DSCAML1: variants seen among roughly 807,000 people sequenced by gnomAD.
DSCAML1 encodes the protein DS cell adhesion molecule like 1.
A neutral mutation model predicts 200.5 loss-of-function variants in DSCAML1; 38 were observed. The ratio of observed to expected loss-of-function variants is 0.19; its 90% CI spans 0.15 to 0.25. The LOEUF (loss-of-function observed/expected upper bound fraction) is 0.25, where lower values mean the gene tolerates loss of function less well. Ranked by LOEUF, DSCAML1 falls within the 10% of genes least tolerant of loss-of-function variation. The pLI, the probability that DSCAML1 is intolerant of heterozygous loss-of-function variation, is 1.00. For synonymous variants in DSCAML1, 1,215 were observed against 1,165.0 expected (o/e 1.04, Z -0.87); for missense variants, 2,223 against 2,858.8 (o/e 0.78, Z 5.07).
At chr11:117,486,365 G>A (rs577633904) in intron 11 of DSCAML1, among the ~76,000 whole-genome samples, 15 of 149,028 alleles carry the variant, frequency 1.0e-4, no homozygotes, top group African/African-American at 3.6e-4. Context: ...GGATGTGAAA[G>A]TGGCTGATGT....
chr11:117,678,340 T>C (rs2053254326), intron 3 of DSCAML1, among the ~76,000 whole-genome samples: 1 of 152,186 alleles, frequency 6.6e-6, no homozygotes, highest in Non-Finnish European at 1.5e-5. Flanking sequence ...GCAGTTTTGA[T>C]TTAGATTTGT....
At chr11:117,587,205 G>A (rs375965294) in intron 3 of DSCAML1, among the ~76,000 whole-genome samples, 23 of 151,598 alleles carry the variant, frequency 1.5e-4, no homozygotes, top group African/African-American at 4.4e-4. Flanking sequence ...GCTGATACAT[G>A]GACAACGAAC....
rs555767646 is a variant in DSCAML1 at position 117,558,767 on chromosome 11, G to A, written c.512-26245C>T. 8.5e-5 allele frequency among the ~76,000 whole-genome samples: 13 copies of A among 152,336 alleles called. No individual in the cohort carries two copies. The South Asian group carries it at 1.9e-3, about 22-fold the overall frequency. On this transcript the variant is annotated intron_variant, in intron 3 of 32. Coordinates refer to ENST00000651296, the MANE Select transcript of DSCAML1 (RefSeq NM_020693.4). ...GGGCTTACAACTCTAAGGGGTCCACGTGAAAGGGTCATAATAGATCAAGTA... is the reference window on the plus strand; with the variant it reads ...GGGCTTACAACTCTAAGGGGTCCACATGAAAGGGTCATAATAGATCAAGTA...
chr11:117,786,679 T>C lies in DSCAML1; in HGVS notation c.47-5869A>G, dbSNP rs542645128. Among the ~76,000 whole-genome samples the C allele has an allele frequency of 7.9e-5, 12 of 152,268 alleles. No homozygotes were observed. The South Asian group carries it at 2.5e-3, about 32-fold the overall frequency. On this transcript the variant is annotated intron_variant, in intron 1 of 32. Transcript: ENST00000651296. ...ACACTGAATTACCCCCATGTCATCATCTGTAATCATCGTAAAGGACAACCC... is the reference window on the plus strand; with the variant it reads ...ACACTGAATTACCCCCATGTCATCACCTGTAATCATCGTAAAGGACAACCC...
chr11:117,749,565 C>T (rs2054571472), intron 3 of DSCAML1, among the ~76,000 whole-genome samples: 1 of 152,216 alleles, frequency 6.6e-6, no homozygotes, highest in Admixed American at 6.5e-5. Context: ...ACCAGGCGAC[C>T]AGCAGACCTG....
At chr11:117,483,141 G>C (rs2048964416) in intron 11 of DSCAML1, among the ~76,000 whole-genome samples, 2 of 152,202 alleles carry the variant, frequency 1.3e-5, no homozygotes, top group Non-Finnish European at 2.9e-5. Flanking sequence ...AGGAGGCAAG[G>C]GGCAGGGGAA....
At chr11:117,474,326 T>C (rs1026369321) in intron 14 of DSCAML1, among the ~76,000 whole-genome samples, 1 of 152,132 alleles carries the variant, frequency 6.6e-6, no homozygotes, top group Non-Finnish European at 1.5e-5. Flanking sequence ...TCTGGCCTTT[T>C]GCTTATCTCT....
chr11:117,742,341 A>G (rs2054438114), intron 3 of DSCAML1, among the ~76,000 whole-genome samples: 1 of 152,152 alleles, frequency 6.6e-6, no homozygotes, highest in Non-Finnish European at 1.5e-5. Context: ...CAGGACAAAC[A>G]TGGTGCAATT....
intron 19 of DSCAML1, among the ~76,000 whole-genome samples, chr11:117,451,484 A>T (rs901357323): frequency 3.3e-5 from 5 of 152,218 alleles, no homozygotes; most frequent in Non-Finnish European, 5.9e-5. Context: ...TATCTATACA[A>T]TGGAGATAAG....
chr11:117,493,180 G>A lies in DSCAML1; in HGVS notation c.2359+10665C>T, dbSNP rs1025114572. Among the ~76,000 whole-genome samples, 21 of 152,240 alleles carry A rather than the reference G, an allele frequency of 1.4e-4. No homozygotes were observed. The East Asian group carries it at 1.9e-3, about 14-fold the overall frequency. On this transcript the variant is annotated intron_variant, in intron 11 of 32. Transcript: ENST00000651296. ...GGGTCCAGTTGAGGCCCTCAAACTC[G>A]CCAGGCCTTACTTTGTCCAGCTTTA...
intron 3 of DSCAML1, among the ~76,000 whole-genome samples, chr11:117,675,283 C>T (rs2053188201): frequency 6.6e-6 from 1 of 151,918 alleles, no homozygotes; most frequent in South Asian, 2.1e-4. Flanking sequence ...TCAAACATAC[C>T]ACAAAATATC....
chr11:117,662,856 T>A (rs1213429481), intron 3 of DSCAML1, among the ~76,000 whole-genome samples: 1 of 152,212 alleles, frequency 6.6e-6, no homozygotes, highest in Non-Finnish European at 1.5e-5. Context: ...AGGCCTGGAA[T>A]GGGGACAAGA....
At chr11:117,430,633 G>T in intron 32 of DSCAML1, 89 bp downstream of exon 32, 1 of 1,442,992 alleles carries the variant, frequency 6.9e-7, no homozygotes, top group Non-Finnish European at 9.3e-7. Context: ...CATGATCCTG[G>T]TGCTGGCAGA....
upstream of DSCAML1, among the ~76,000 whole-genome samples, chr11:117,800,190 T>G (rs1441981144): frequency 6.6e-6 from 1 of 152,084 alleles, no homozygotes; most frequent in Non-Finnish European, 1.5e-5. Context: ...TATTTAGAAG[T>G]CTCCTCTTCG....
intron 3 of DSCAML1, among the ~76,000 whole-genome samples, chr11:117,743,160 G>A (rs2054453198): frequency 1.3e-5 from 2 of 152,184 alleles, no homozygotes. Flanking sequence ...CTAGTCCATA[G>A]GGGAGACAGA....
chr11:117,481,819 A>T, intron 12 of DSCAML1, 144 bp downstream of exon 12: 1 of 795,270 alleles, frequency 1.3e-6, no homozygotes. Context: ...GAGGGGAAAT[A>T]GGTGGGAAAG....
chr11:117,462,827 C>T (rs74920562), intron 17 of DSCAML1, among the ~76,000 whole-genome samples: 2,437 of 152,278 alleles, frequency 0.016, 81 homozygotes, highest in African/African-American at 0.055. Context: ...GACAGGCTAA[C>T]GAGGGCCTTA....
chr11:117,795,050 T>C (rs917915824), intron 1 of DSCAML1, among the ~76,000 whole-genome samples: 1 of 152,132 alleles, frequency 6.6e-6, no homozygotes, highest in African/African-American at 2.4e-5. Context: ...TCTGGGCCTT[T>C]CTCCACCCCC....
chr11:117,732,582 T>C (rs181910539), intron 3 of DSCAML1, among the ~76,000 whole-genome samples: 2 of 152,228 alleles, frequency 1.3e-5, no homozygotes, highest in East Asian at 1.9e-4. Flanking sequence ...GGGAACCTCT[T>C]AGGACTTAGA....
Sources: allele counts gnomAD v4.1 joint callset (sites outside exome capture counted in the v4.1 genomes callset), GRCh38; gene constraint gnomAD v4.1.1; transcripts MANE v1.5; gene names NCBI Gene and HGNC (gene_info 2026-07-23, HGNC 2026-07-21).